The following DPP6 variants were observed in gnomAD, a reference collection of about 807,000 sequenced individuals.
The protein encoded by DPP6 is A-type potassium channel modulatory protein DPP6.
DPP6 carries 69 observed loss-of-function variants against 122.6 expected under a neutral mutation model. The observed-to-expected ratio is 0.56, with a 90% CI of 0.46 to 0.69. The LOEUF (loss-of-function observed/expected upper bound fraction) is 0.69, where lower values mean the gene tolerates loss of function less well. Among genes scored for constraint, DPP6 ranks in the 30% least tolerant of loss-of-function variants. The pLI is 0.00. For missense variants in DPP6, 928 were observed against 1,116.9 expected, an observed-to-expected ratio of 0.83 and a Z score of 2.41; for synonymous variants, 418 against 433.1, an observed-to-expected ratio of 0.97 and a Z score of 0.43.
At chr7:153,823,232 G>A in the DPP6 span, among the ~76,000 whole-genome samples, 2 of 137,304 alleles carry the variant, frequency 1.5e-5, no homozygotes, top group South Asian at 4.2e-4. Context: ...AAGCTCTCCA[G>A]TCTTGGCTTT....
At chr7:154,240,404 A>G (rs1268680878) in intron 1 of DPP6, among the ~76,000 whole-genome samples, 1 of 152,160 alleles carries the variant, frequency 6.6e-6, no homozygotes, top group Non-Finnish European at 1.5e-5. Flanking sequence ...TTTTATCTCA[A>G]TACAGTCCAC....
chr7:154,374,652 C>T (rs1812975024), intron 1 of DPP6, among the ~76,000 whole-genome samples: 1 of 136,478 alleles, frequency 7.3e-6, no homozygotes, highest in Non-Finnish European at 1.6e-5. Context: ...CCTCTTGTTG[C>T]CCAGGCTGGA....
intron 17 of DPP6, among the ~76,000 whole-genome samples, chr7:154,864,477 TAA>T (rs1803683638): frequency 6.6e-6 from 1 of 152,242 alleles, no homozygotes; most frequent in Non-Finnish European, 1.5e-5. Flanking sequence ...CACATTTAAT[TAA>T]AGAGTGGCCA....
At chr7:154,876,164 C>A in intron 20 of DPP6, 64 bp downstream of exon 20, 1 of 1,476,412 alleles carries the variant, frequency 6.8e-7, no homozygotes, top group South Asian at 1.4e-5. Context: ...GGGGGCAGCA[C>A]CGCAGTCACA....
intron 1 of DPP6, among the ~76,000 whole-genome samples, chr7:154,253,267 G>A (rs1012837302): frequency 4.6e-5 from 7 of 152,196 alleles, no homozygotes; most frequent in African/African-American, 1.4e-4. Context: ...AGTGGGACAT[G>A]TGTTAATGAG....
chr7:154,302,885 C>G (rs1177059361), intron 1 of DPP6, among the ~76,000 whole-genome samples: 1 of 152,198 alleles, frequency 6.6e-6, no homozygotes, highest in Non-Finnish European at 1.5e-5. Flanking sequence ...ACCCCTGGGT[C>G]AAGCCCATGG....
intron 1 of DPP6, among the ~76,000 whole-genome samples, chr7:154,023,137 C>A (rs191184717): frequency 0.03 from 4,567 of 151,806 alleles, 87 homozygotes; most frequent in South Asian, 0.077. Flanking sequence ...TTAGTGAGTC[C>A]AGGACACCTT....
At chr7:154,148,612 G>A (rs1313803959) in intron 1 of DPP6, among the ~76,000 whole-genome samples, 23 of 152,362 alleles carry the variant, frequency 1.5e-4, no homozygotes, top group Admixed American at 2.6e-4. Flanking sequence ...GCATGGCCAC[G>A]TCTGTCACGC....
chr7:153,923,760 C>CAAAAAAAAAAAAA (rs1158548494), intron 1 of DPP6, among the ~76,000 whole-genome samples: 2 of 46,798 alleles, frequency 4.3e-5, no homozygotes, highest in Non-Finnish European at 7.5e-5. Context: ...GACTCCATCT[C>CAAAAAAAAAAAAA]AAAAAAAAAA....
chr7:154,884,684 A>AGCACACATGATCACACAG (rs373066090), intron 21 of DPP6: 1 of 151,034 alleles, frequency 6.6e-6, no homozygotes, highest in Non-Finnish European at 1.5e-5. Flanking sequence ...CTCACACACA[A>AGCACACATGATCACACAG]GCACACATGA....
intron 3 of DPP6, among the ~76,000 whole-genome samples, chr7:154,514,688 T>A (rs1826349973): frequency 6.6e-6 from 1 of 152,234 alleles, no homozygotes; most frequent in South Asian, 2.1e-4. Context: ...GTCTTACGGG[T>A]TCATCCATGT....
chr7:154,710,706 G>A (rs888623774), intron 7 of DPP6, among the ~76,000 whole-genome samples: 12 of 152,328 alleles, frequency 7.9e-5, no homozygotes, highest in East Asian at 1.9e-4. Context: ...TAAAAGGTAC[G>A]TCTACAAGGT....
chr7:154,868,975 A>T (rs1554491232), intron 18 of DPP6, among the ~76,000 whole-genome samples: 1 of 152,204 alleles, frequency 6.6e-6, no homozygotes, highest in Non-Finnish European at 1.5e-5. Context: ...TGCAGACACC[A>T]CTTACCCATC....
chr7:154,518,563 G>T (rs1005172059), intron 3 of DPP6, among the ~76,000 whole-genome samples: 3 of 152,120 alleles, frequency 2.0e-5, no homozygotes, highest in Non-Finnish European at 4.4e-5. Context: ...ATGATGAATT[G>T]CACAGTCTTA....
At chr7:154,150,689 T>C (rs1288847993) in intron 1 of DPP6, among the ~76,000 whole-genome samples, 2 of 152,356 alleles carry the variant, frequency 1.3e-5, no homozygotes, top group East Asian at 3.9e-4. Flanking sequence ...TTCCCAGGCC[T>C]GAGAGCGGCT....
intron 2 of DPP6, among the ~76,000 whole-genome samples, chr7:154,448,888 C>A (rs796576898): frequency 2.6e-5 from 4 of 151,966 alleles, no homozygotes; most frequent in Non-Finnish European, 5.9e-5. Flanking sequence ...GCAGTTGGAC[C>A]CCCAACTCGT....
chr7:154,740,017 G>A lies in DPP6; in HGVS notation c.883+12130G>A, dbSNP rs183317213. ...TCAACATGAAGAGGTGATCTAGCTG[G>A]TCTTGTGAAAAATCAGTAATAAATC... is the stretch of plus-strand genomic sequence containing the variant. On this transcript the variant is annotated intron_variant, in intron 8 of 25. Coordinates refer to ENST00000377770, the MANE Select transcript of DPP6 (RefSeq NM_130797.4). Among the ~76,000 whole-genome samples, 30 of 152,310 alleles carry A rather than the reference G, an allele frequency of 2.0e-4. No homozygotes were observed. In the Middle Eastern group the frequency reaches 0.01, roughly 52 times the overall value.
intron 20 of DPP6, among the ~76,000 whole-genome samples, 189 bp from the exon 21 acceptor site, chr7:154,880,699 G>A (rs185566693): frequency 5.3e-5 from 8 of 152,322 alleles, no homozygotes; most frequent in East Asian, 1.9e-4. Context: ...AGGTTTTAAC[G>A]TGAACATGCT....
At chr7:154,556,506 T>C (rs1307862232) in intron 4 of DPP6, among the ~76,000 whole-genome samples, 1 of 152,210 alleles carries the variant, frequency 6.6e-6, no homozygotes, top group Non-Finnish European at 1.5e-5. Flanking sequence ...TCTACAAAGA[T>C]GTAATGTAAG....
Sources: allele counts gnomAD v4.1 joint callset (sites outside exome capture counted in the v4.1 genomes callset), GRCh38; gene constraint gnomAD v4.1.1; transcripts MANE v1.5; gene names NCBI Gene and HGNC (gene_info 2026-07-23, HGNC 2026-07-21).